Variants in RSPH9 observed in about 807,000 individuals in gnomAD.
RSPH9 encodes radial spoke head protein 9 homolog.
In RSPH9, 27 loss-of-function variants were observed where a neutral mutation model predicts 27.0. That is an observed-to-expected ratio of 1.00 (90% CI 0.74 to 1.38). RSPH9 has a LOEUF of 1.38. Ranked by LOEUF, RSPH9 falls within the 40% of genes most tolerant of loss-of-function variation. The probability of loss-of-function intolerance (pLI) is 0.00; values close to 1 mark genes in which losing one functional copy is unlikely to be tolerated. For missense variants in RSPH9, 347 were observed against 357.4 expected, an observed-to-expected ratio of 0.97 and a Z score of 0.24; for synonymous variants, 145 against 147.7, an observed-to-expected ratio of 0.98 and a Z score of 0.13.
intron 2 of RSPH9, among the ~76,000 whole-genome samples, chr6:43,651,458 A>C (rs1771458805): frequency 6.6e-6 from 1 of 152,210 alleles, no homozygotes; most frequent in Non-Finnish European, 1.5e-5. Context: ...ATTCAAAGGT[A>C]CAAAAAGGAA....
intron 4 of RSPH9, among the ~76,000 whole-genome samples, chr6:43,660,500 G>A (rs1427660313): frequency 1.3e-5 from 2 of 151,196 alleles, no homozygotes; most frequent in African/African-American, 2.4e-5. Context: ...GTCTTGCTCT[G>A]TCACACAGGC....
chr6:43,668,171 G>A (rs1773337901), intron 4 of RSPH9, among the ~76,000 whole-genome samples: 1 of 152,166 alleles, frequency 6.6e-6, no homozygotes, highest in Admixed American at 6.5e-5. Flanking sequence ...GCTTTTCCCC[G>A]AGTCCTGGAG....
intron 4 of RSPH9, among the ~76,000 whole-genome samples, chr6:43,668,763 G>C (rs1773405933): frequency 6.6e-6 from 1 of 152,234 alleles, no homozygotes; most frequent in Admixed American, 6.5e-5. Context: ...CAGGCTGCAA[G>C]CTGCCCTCCC....
intron 4 of RSPH9, 77 bp downstream of exon 4, chr6:43,656,800 T>G: frequency 1.3e-6 from 2 of 1,527,774 alleles, no homozygotes; most frequent in South Asian, 2.2e-5. Flanking sequence ...GCCATTTTCC[T>G]CTGAGACTGG....
intron 4 of RSPH9, among the ~76,000 whole-genome samples, chr6:43,665,055 CAGA>C (rs941181665): frequency 2.0e-5 from 3 of 152,348 alleles, no homozygotes; most frequent in Admixed American, 2.0e-4. Context: ...GCTCCAGAAT[CAGA>C]AGATGAAACT....
chr6:43,658,687 G>A (rs991796762), intron 4 of RSPH9, among the ~76,000 whole-genome samples: 5 of 151,836 alleles, frequency 3.3e-5, no homozygotes, highest in African/African-American at 9.7e-5. Context: ...GACTACAGGC[G>A]CCCGCCACCA....
chr6:43,656,045 TC>T (rs1561940219), intron 3 of RSPH9, among the ~76,000 whole-genome samples: 880 of 70,544 alleles, frequency 0.012, 3 homozygotes, highest in Non-Finnish European at 0.019. Context: ...TCCCCTTCTT[TC>T]CCTTCTTTCC....
intron 4 of RSPH9, among the ~76,000 whole-genome samples, chr6:43,664,438 G>A (rs1772937354): frequency 6.6e-6 from 1 of 152,222 alleles, no homozygotes; most frequent in Admixed American, 6.5e-5. Flanking sequence ...TTAGAGATGA[G>A]TTGGGGCAGG....
rs751722980 is a variant in RSPH9, at chr6:43,671,814, A to G, written c.*865A>G. On this transcript the variant is annotated 3_prime_UTR_variant, in exon 5 of 5. Coordinates refer to ENST00000372163, the MANE Select transcript of RSPH9 (RefSeq NM_152732.5). ...TGAGTAGCAGACATTGTCCCTCAGA[A>G]GGGGTGACCCCACGGGCATGCGCAC... 19 of 1,614,204 alleles carry G rather than the reference A, an allele frequency of 1.2e-5. No individual in the cohort carries two copies. Among genetic ancestry groups the G allele is most frequent in the Middle Eastern group, 1.6e-4 (1 of 6,062 alleles).
intron 4 of RSPH9, among the ~76,000 whole-genome samples, chr6:43,667,681 C>CCCT (rs144382749): frequency 0.056 from 8,469 of 151,984 alleles, 400 homozygotes; most frequent in East Asian, 0.21. Context: ...AGAGGTTTCT[C>CCCT]CCTCCTCCTC....
At chr6:43,658,847 C>T (rs1772310773) in intron 4 of RSPH9, among the ~76,000 whole-genome samples, 1 of 151,836 alleles carries the variant, frequency 6.6e-6, no homozygotes, top group African/African-American at 2.4e-5. Flanking sequence ...CCCAGACATG[C>T]CCAGCTAATT....
chr6:43,666,622 C>A, intron 4 of RSPH9: 1 of 766,350 alleles, frequency 1.3e-6, no homozygotes, highest in Non-Finnish European at 2.1e-6. Flanking sequence ...AGTTGTCATG[C>A]CGTGTCCAGG....
At chr6:43,669,563 G>T (rs1272242951) in intron 4 of RSPH9, among the ~76,000 whole-genome samples, 1 of 152,258 alleles carries the variant, frequency 6.6e-6, no homozygotes, top group Non-Finnish European at 1.5e-5. Context: ...AGGCTGAGCT[G>T]GCAGCTGATG....
intron 3 of RSPH9, 26 bp from the exon 4 acceptor site, chr6:43,656,551 T>G: frequency 6.2e-7 from 1 of 1,614,014 alleles, no homozygotes; most frequent in Non-Finnish European, 8.5e-7. Context: ...CTAACCATCA[T>G]TTTCCTGCCT....
chr6:43,646,127 T>A (rs1363961866), intron 1 of RSPH9, among the ~76,000 whole-genome samples: 4 of 144,730 alleles, frequency 2.8e-5, no homozygotes, highest in Admixed American at 6.9e-5. Flanking sequence ...GCTATTTATT[T>A]ATTATTATTA....
chr6:43,647,365 G>C (rs1214555114), intron 1 of RSPH9, among the ~76,000 whole-genome samples: 2 of 152,158 alleles, frequency 1.3e-5, no homozygotes, highest in Admixed American at 6.6e-5. Context: ...CGATCAGAGT[G>C]GGCAAAATGG....
Position 43,671,659 on chromosome 6 carries a change from G to A in RSPH9, c.*710G>A, listed in dbSNP as rs1016890601. ...TGCATGTTGGAGGGACCAGGCCATC[G>A]TGGTGGGGTGGGACAGGAGTATAGT... On this transcript the variant is annotated 3_prime_UTR_variant, in exon 5 of 5. Coordinates refer to ENST00000372163, the MANE Select transcript of RSPH9 (RefSeq NM_152732.5). The A allele has an allele frequency of 2.9e-5, 40 of 1,379,942 alleles. No homozygotes were observed. Among genetic ancestry groups the A allele is most frequent in the Middle Eastern group, 2.1e-4 (1 of 4,754 alleles). 85.5% of individuals were successfully genotyped at this position (1,379,942 alleles called of 1,614,324 possible).
chr6:43,651,391 C>G (rs756385525), intron 2 of RSPH9, among the ~76,000 whole-genome samples: 6 of 152,046 alleles, frequency 3.9e-5, no homozygotes, highest in Non-Finnish European at 5.9e-5. Context: ...TGTGCACAGG[C>G]TCTTATATTT....
intron 4 of RSPH9, among the ~76,000 whole-genome samples, chr6:43,661,435 C>T (rs774830133): frequency 3.2e-4 from 49 of 152,028 alleles, no homozygotes; most frequent in Middle Eastern, 6.3e-3. Flanking sequence ...CCGAGGTGGG[C>T]GGATCACCTG....
Sources: gnomAD v4.1 joint callset for allele counts (sites outside exome capture counted in the v4.1 genomes callset) on GRCh38, gnomAD v4.1.1 for gene constraint, MANE v1.5 for transcripts, NCBI Gene and HGNC (gene_info 2026-07-23, HGNC 2026-07-21) for gene names.